CELF4: variants seen among roughly 807,000 people sequenced by gnomAD.
The protein encoded by CELF4 is CUG-BP- and ETR-3-like factor 4.
Under a neutral mutation model 59.9 loss-of-function variants are expected in CELF4, and 18 were observed. The ratio of observed to expected loss-of-function variants is 0.30; its 90% CI spans 0.21 to 0.45. The LOEUF is 0.45. CELF4 is among the 20% of genes least tolerant of loss of function. The pLI, the probability that CELF4 is intolerant of heterozygous loss-of-function variation, is 1.00. For missense variants in CELF4, 456 were observed against 689.0 expected, an observed-to-expected ratio of 0.66 and a Z score of 3.79; for synonymous variants, 261 against 267.1, an observed-to-expected ratio of 0.98 and a Z score of 0.22.
At chr18:37,466,469 T>C (rs1334785533) in intron 2 of CELF4, among the ~76,000 whole-genome samples, 2 of 152,236 alleles carry the variant, frequency 1.3e-5, no homozygotes, top group East Asian at 3.9e-4. Context: ...TCTGTACTTA[T>C]ACAAGCCTGA....
At chr18:37,356,919 T>C (rs3895875) in intron 2 of CELF4, among the ~76,000 whole-genome samples, 122,401 of 152,046 alleles carry the variant, frequency 0.81, 49,478 homozygotes, top group East Asian at 0.92. Flanking sequence ...CCTGGGACTT[T>C]TTCCTACACT....
At chr18:37,404,793 C>G (rs2154586639) in intron 2 of CELF4, among the ~76,000 whole-genome samples, 1 of 152,320 alleles carries the variant, frequency 6.6e-6, no homozygotes, top group Admixed American at 6.5e-5. Flanking sequence ...CAGAAAGCCC[C>G]TCCTTCTAGC....
At chr18:37,270,482 G>A (rs2090631567) in intron 8 of CELF4, among the ~76,000 whole-genome samples, 1 of 152,194 alleles carries the variant, frequency 6.6e-6, no homozygotes, top group African/African-American at 2.4e-5. Context: ...CTACATGGTT[G>A]TACAACTGCA....
chr18:37,356,002 GC>G (rs2098556982), intron 2 of CELF4, among the ~76,000 whole-genome samples: 1 of 152,130 alleles, frequency 6.6e-6, no homozygotes, highest in African/African-American at 2.4e-5. Flanking sequence ...CAGGCACTCA[GC>G]CCAGCACAGC....
At chr18:37,443,473 G>T (rs964849386) in intron 2 of CELF4, among the ~76,000 whole-genome samples, 2 of 152,118 alleles carry the variant, frequency 1.3e-5, no homozygotes, top group African/African-American at 4.8e-5. Context: ...GTTTGAGAGA[G>T]CTCCCCACCA....
intron 1 of CELF4, among the ~76,000 whole-genome samples, chr18:37,564,820 T>A (rs1229149055): frequency 1.3e-5 from 2 of 151,990 alleles, no homozygotes; most frequent in African/African-American, 4.8e-5. Context: ...GAGTTTACTG[T>A]TACATTTAAA....
chr18:37,404,847 A>G (rs2099364663), intron 2 of CELF4, among the ~76,000 whole-genome samples: 1 of 152,192 alleles, frequency 6.6e-6, no homozygotes, highest in Non-Finnish European at 1.5e-5. Flanking sequence ...TGCCACCATT[A>G]GCACTCATTT....
intron 2 of CELF4, among the ~76,000 whole-genome samples, chr18:37,353,150 G>A (rs2098484220): frequency 6.6e-6 from 1 of 150,624 alleles, no homozygotes; most frequent in East Asian, 2.0e-4. Flanking sequence ...GAACCCGGGA[G>A]GCGGAAGTTG....
At chr18:37,461,474 A>C (rs1051626031) in intron 2 of CELF4, among the ~76,000 whole-genome samples, 1 of 152,204 alleles carries the variant, frequency 6.6e-6, no homozygotes, top group African/African-American at 2.4e-5. Flanking sequence ...GAACTCATTC[A>C]CTATCACAAG....
intron 3 of CELF4, among the ~76,000 whole-genome samples, chr18:37,303,607 G>A (rs2096216460): frequency 6.6e-6 from 1 of 152,128 alleles, no homozygotes; most frequent in Non-Finnish European, 1.5e-5. Flanking sequence ...AGAAAAAAAG[G>A]GAGGCAACAC....
chr18:37,478,789 CT>C (rs1354643578), intron 2 of CELF4, among the ~76,000 whole-genome samples: 1 of 152,216 alleles, frequency 6.6e-6, no homozygotes, highest in African/African-American at 2.4e-5. Context: ...ATTTAAAGTG[CT>C]TTGGGCTTCT....
At chr18:37,565,252 G>A in intron 1 of CELF4, 104 bp downstream of exon 1, 1 of 1,334,156 alleles carries the variant, frequency 7.5e-7, no homozygotes, top group Non-Finnish European at 1.0e-6. Context: ...CCCGCCCGAG[G>A]CTTCCTCTCG....
intron 1 of CELF4, among the ~76,000 whole-genome samples, chr18:37,497,216 C>A (rs1434645374): frequency 2.0e-5 from 3 of 152,162 alleles, no homozygotes; most frequent in African/African-American, 4.8e-5. Flanking sequence ...GACTGGTACA[C>A]AAGACCCAAC....
chr18:37,490,987 G>A (rs895400583), intron 1 of CELF4, among the ~76,000 whole-genome samples: 3 of 152,112 alleles, frequency 2.0e-5, no homozygotes, highest in African/African-American at 7.2e-5. Context: ...AGCGCAGCCT[G>A]TTCTGGAGCA....
At position 37,555,058 on chromosome 18, in the gene CELF4, G is replaced by A. The variant is rs2154606045; in HGVS notation, c.286+10298C>T. ...AATCACAGTGATTGATATGATTGGG[G>A]GCCTTTCCTTTCCTCCTGGGATACC... On this transcript the variant is annotated intron_variant, in intron 1 of 12. Transcript: ENST00000420428. Among the ~76,000 whole-genome samples the A allele has an allele frequency of 1.3e-5, 2 of 152,238 alleles. 1 individual carries two copies. The highest frequency in any genetic ancestry group is 4.1e-4 in the South Asian group (2 of 4,826).
chr18:37,562,784 G>C (rs2099986956), intron 1 of CELF4, among the ~76,000 whole-genome samples: 1 of 152,152 alleles, frequency 6.6e-6, no homozygotes, highest in African/African-American at 2.4e-5. Flanking sequence ...CTCGGAAACG[G>C]TCTCATTTAT....
intron 1 of CELF4, among the ~76,000 whole-genome samples, chr18:37,545,442 G>A (rs768622255): frequency 6.6e-6 from 1 of 152,204 alleles, no homozygotes; most frequent in African/African-American, 2.4e-5. Context: ...CCTCCAGGGG[G>A]CCCAGAGATG....
intron 1 of CELF4, among the ~76,000 whole-genome samples, chr18:37,522,782 G>A (rs1179066306): frequency 2.0e-5 from 3 of 152,096 alleles, no homozygotes; most frequent in Non-Finnish European, 4.4e-5. Context: ...TCTTCTCTGA[G>A]CCCACCCTGT....
rs146028464 is a variant in CELF4, at chr18:37,349,055, C to T, written c.370-27174G>A. On this transcript the variant is annotated intron_variant, in intron 2 of 12. Coordinates refer to ENST00000420428, the MANE Select transcript of CELF4 (RefSeq NM_020180.4). ...ATGAGCTGGAGATCGCAGGGTGCAA[C>T]GGCAGCACATCCATGGGGCCTGGAG... Among the ~76,000 whole-genome samples the T allele has an allele frequency of 3.5e-3, 530 of 152,302 alleles. 2 individuals carry two copies. In the East Asian group the frequency reaches 0.036, roughly 10 times the overall value.
Sources: allele counts gnomAD v4.1 joint callset (sites outside exome capture counted in the v4.1 genomes callset), GRCh38; gene constraint gnomAD v4.1.1; transcripts MANE v1.5; gene names NCBI Gene and HGNC (gene_info 2026-07-23, HGNC 2026-07-21).